Variants in CDC73 observed in about 807,000 individuals in gnomAD.
CDC73 encodes the protein cell division cycle 73.
A neutral mutation model predicts 83.7 loss-of-function variants in CDC73; 21 were observed. That is an observed-to-expected ratio of 0.25 (90% CI 0.18 to 0.36). CDC73 has a LOEUF of 0.36. Among genes scored for constraint, CDC73 ranks in the 10% least tolerant of loss-of-function variants. The pLI is 1.00. For missense variants in CDC73, 342 were observed against 653.3 expected, an observed-to-expected ratio of 0.52 and a Z score of 5.19; for synonymous variants, 224 against 212.9, an observed-to-expected ratio of 1.05 and a Z score of -0.45.
chr1:193,215,279 G>A (rs539218284), intron 13 of CDC73, among the ~76,000 whole-genome samples: 2 of 152,096 alleles, frequency 1.3e-5, no homozygotes, highest in African/African-American at 4.8e-5. Context: ...AACTTGAAAT[G>A]TATTGTTTTC....
intron 10 of CDC73, chr1:193,181,807 T>G (rs1180267255): frequency 1.2e-5 from 5 of 403,110 alleles, no homozygotes; most frequent in Middle Eastern, 6.3e-4. Flanking sequence ...GCTTGTAATT[T>G]ATTTCCCCTT....
chr1:193,200,329 A>G (rs1210317881), intron 10 of CDC73, among the ~76,000 whole-genome samples: 3 of 152,282 alleles, frequency 2.0e-5, no homozygotes, highest in African/African-American at 4.8e-5. Flanking sequence ...TGATGGTATT[A>G]TATATTACGA....
intron 1 of CDC73, among the ~76,000 whole-genome samples, chr1:193,124,721 G>A (rs918765583): frequency 6.6e-5 from 10 of 152,144 alleles, no homozygotes; most frequent in Non-Finnish European, 1.5e-4. Flanking sequence ...AAGAGCCATA[G>A]GATAAATTTC....
intron 10 of CDC73, among the ~76,000 whole-genome samples, chr1:193,162,264 TAATAGATAA>T (rs1558293589): frequency 1.1e-4 from 13 of 121,486 alleles, no homozygotes; most frequent in Middle Eastern, 4.2e-3. Context: ...ATAGTATATA[TAATAGATAA>T]TATATAGTAT....
At chr1:193,235,537 G>T (rs1305846833) in intron 14 of CDC73, among the ~76,000 whole-genome samples, 1 of 152,066 alleles carries the variant, frequency 6.6e-6, no homozygotes, top group Admixed American at 6.6e-5. Context: ...GTTTATGGCA[G>T]TACTTCTTAT....
intron 10 of CDC73, among the ~76,000 whole-genome samples, chr1:193,173,974 TATA>T (rs981973194): frequency 2.8e-4 from 43 of 152,288 alleles, no homozygotes; most frequent in Non-Finnish European, 4.4e-4. Context: ...TGTAACCATT[TATA>T]ATAATAATAC....
At chr1:193,236,025 G>A (rs561163616) in intron 14 of CDC73, among the ~76,000 whole-genome samples, 20 of 152,242 alleles carry the variant, frequency 1.3e-4, no homozygotes, top group African/African-American at 4.3e-4. Context: ...AAAAGACTTA[G>A]GTGTAAAAAC....
intron 11 of CDC73, among the ~76,000 whole-genome samples, chr1:193,208,894 CT>C (rs2102035243): frequency 6.6e-6 from 1 of 152,222 alleles, no homozygotes; most frequent in South Asian, 2.1e-4. Flanking sequence ...GGCAAGTTGG[CT>C]TGTTTTCATC....
Position 193,234,175 on chromosome 1 carries a change from T to TCTCACACA in CDC73, c.1316+1022_1316+1023insTCACACAC, listed in dbSNP as rs1241998258. ...TTCTCTCTCTCTCTCTCTCTCTCTC[T>TCTCACACA]CACACACACACACACACACACACAC... On this transcript the variant is annotated intron_variant, in intron 14 of 16. Transcript: ENST00000367435. Among the ~76,000 whole-genome samples the TCTCACACA allele has an allele frequency of 5.1e-4, 52 of 101,410 alleles. 1 individual carries two copies. Among genetic ancestry groups the TCTCACACA allele is most frequent in the Admixed American group, 1.6e-3 (12 of 7,646 alleles). 66.5% of individuals were successfully genotyped at this position (101,410 alleles called of 152,430 possible).
chr1:193,178,485 A>G (rs187238259), intron 10 of CDC73, among the ~76,000 whole-genome samples: 10 of 152,244 alleles, frequency 6.6e-5, no homozygotes, highest in East Asian at 3.9e-4. Flanking sequence ...TTCTCTTTCT[A>G]TGTACACACC....
At chr1:193,166,344 C>T (rs1311300314) in intron 10 of CDC73, among the ~76,000 whole-genome samples, 2 of 152,074 alleles carry the variant, frequency 1.3e-5, no homozygotes. Flanking sequence ...TTTGTAGAGA[C>T]ACGGTTCACT....
At chr1:193,149,961 T>C (rs554873810) in intron 8 of CDC73, among the ~76,000 whole-genome samples, 13 of 152,300 alleles carry the variant, frequency 8.5e-5, no homozygotes, top group Admixed American at 8.5e-4. Flanking sequence ...CAATCATAAT[T>C]GCAGGGAAGA....
Position 193,224,397 on chromosome 1 carries a change from TCACATATA to T in CDC73, c.1155-8588_1155-8581del, listed in dbSNP as rs1202512783. 3.3e-5 allele frequency among the ~76,000 whole-genome samples: 5 copies of T among 151,758 alleles called. No homozygotes were observed. In the East Asian group the frequency reaches 9.6e-4, roughly 29 times the overall value. ...ATATACACATATATGAAATATGCAT[TCACATATA>T]CACATATGAAATATGCATTCACATA... is the stretch of plus-strand genomic sequence containing the variant. On this transcript the variant is annotated intron_variant, in intron 13 of 16. Transcript: ENST00000367435.
At chr1:193,139,267 T>G (rs1160133324) in intron 6 of CDC73, among the ~76,000 whole-genome samples, 1 of 152,000 alleles carries the variant, frequency 6.6e-6, no homozygotes, top group Non-Finnish European at 1.5e-5. Flanking sequence ...GAAGTTTGTT[T>G]TGCTCTTTTT....
intron 2 of CDC73, among the ~76,000 whole-genome samples, chr1:193,125,699 C>A (rs1484259990): frequency 6.6e-6 from 1 of 151,904 alleles, no homozygotes; most frequent in Non-Finnish European, 1.5e-5. Flanking sequence ...ACCTCAGTCT[C>A]CTGAGAAACT....
At position 193,162,885 on chromosome 1, in the gene CDC73, A is replaced by T. The variant is rs374826891; in HGVS notation, c.972+10441A>T. 3.9e-5 allele frequency among the ~76,000 whole-genome samples: 6 copies of T among 152,288 alleles called. No individual in the cohort carries two copies. In the South Asian group the frequency reaches 6.2e-4, roughly 16 times the overall value. ...AATTGAATTCCTAATATATTTCATT[A>T]TACCAAACTTGAGAACTAAAATAAA... On this transcript the variant is annotated intron_variant, in intron 10 of 16. Transcript: ENST00000367435.
At chr1:193,237,859 G>T (rs1314500243) in intron 15 of CDC73, among the ~76,000 whole-genome samples, 1 of 152,048 alleles carries the variant, frequency 6.6e-6, no homozygotes, top group African/African-American at 2.4e-5. Context: ...CTGCAGGTTG[G>T]GCCCGGCAAC....
chr1:193,130,050 A>G, intron 2 of CDC73, 124 bp from the exon 3 acceptor site: 1 of 649,566 alleles, frequency 1.5e-6, no homozygotes. Context: ...TTTTTTACAA[A>G]TGTGATTTAA....
chr1:193,237,916 C>T (rs1310243304), intron 15 of CDC73, among the ~76,000 whole-genome samples: 1 of 152,058 alleles, frequency 6.6e-6, no homozygotes, highest in African/African-American at 2.4e-5. Context: ...TTGAGTGATA[C>T]ACAGAGTTGG....
Sources: allele counts gnomAD v4.1 joint callset (sites outside exome capture counted in the v4.1 genomes callset), GRCh38; gene constraint gnomAD v4.1.1; transcripts MANE v1.5; gene names NCBI Gene and HGNC (gene_info 2026-07-23, HGNC 2026-07-21).